Variants in RGS6 observed in about 807,000 individuals in gnomAD.
RGS6 encodes regulator of G-protein signaling 6.
Under a neutral mutation model 78.5 loss-of-function variants are expected in RGS6, and 30 were observed. The ratio of observed to expected loss-of-function variants is 0.38; its 90% CI spans 0.29 to 0.52. The LOEUF is 0.52. Among genes scored for constraint, RGS6 ranks in the 20% least tolerant of loss-of-function variants. The pLI is 0.85. For synonymous variants in RGS6, 206 were observed against 206.0 expected, an observed-to-expected ratio of 1.00 and a Z score of 0.00; for missense variants, 495 against 609.7, an observed-to-expected ratio of 0.81 and a Z score of 1.98.
intron 17 of RGS6, among the ~76,000 whole-genome samples, chr14:72,554,750 AAG>A (rs1451656983): frequency 5.3e-5 from 8 of 152,190 alleles, no homozygotes; most frequent in Non-Finnish European, 1.0e-4. Context: ...GGAGGGAGAG[AAG>A]AGAGAGCTGG....
chr14:72,558,310 T>C (rs1014741167), intron 17 of RGS6, among the ~76,000 whole-genome samples: 1 of 152,032 alleles, frequency 6.6e-6, no homozygotes. Flanking sequence ...TTGAAAAAGA[T>C]CCTCCCTGAG....
chr14:72,265,451 C>T (rs115949748), intron 2 of RGS6, among the ~76,000 whole-genome samples: 1,776 of 152,232 alleles, frequency 0.012, 31 homozygotes, highest in African/African-American at 0.036. Flanking sequence ...GTGGAGAAGA[C>T]CTCTTGGGAA....
At chr14:72,310,443 C>T (rs185767919) in intron 2 of RGS6, among the ~76,000 whole-genome samples, 18 of 152,342 alleles carry the variant, frequency 1.2e-4, no homozygotes, top group African/African-American at 3.4e-4. Context: ...AACATGTCTG[C>T]TGCCCATCCC....
chr14:72,274,545 C>T (rs2060398036), intron 2 of RGS6, among the ~76,000 whole-genome samples: 1 of 152,378 alleles, frequency 6.6e-6, no homozygotes, highest in East Asian at 1.9e-4. Context: ...CCCACATTCA[C>T]ATGCCCAGAA....
intron 13 of RGS6, among the ~76,000 whole-genome samples, chr14:72,504,727 C>T (rs771721408): frequency 5.3e-5 from 8 of 150,756 alleles, no homozygotes; most frequent in Admixed American, 5.3e-4. Context: ...CTCCCCTCCC[C>T]TCCTCTCCCC....
chr14:72,251,910 A>C (rs1261850217), intron 2 of RGS6, among the ~76,000 whole-genome samples: 1 of 152,256 alleles, frequency 6.6e-6, no homozygotes, highest in Non-Finnish European at 1.5e-5. Flanking sequence ...TAACACAAGA[A>C]TTTTATGGCC....
At chr14:72,033,104 T>A (rs1254131546) in intron 2 of RGS6, among the ~76,000 whole-genome samples, 2 of 152,190 alleles carry the variant, frequency 1.3e-5, no homozygotes, top group Non-Finnish European at 2.9e-5. Context: ...CTAAGAACAC[T>A]TACATTAGTC....
intron 3 of RGS6, among the ~76,000 whole-genome samples, chr14:72,451,136 C>T (rs1597697608): frequency 6.6e-6 from 1 of 152,200 alleles, no homozygotes; most frequent in East Asian, 1.9e-4. Flanking sequence ...GGGATGGTGG[C>T]GGAGTAGATG....
chr14:72,305,133 C>CT (rs1265821748), intron 2 of RGS6, among the ~76,000 whole-genome samples: 2 of 152,110 alleles, frequency 1.3e-5, no homozygotes, highest in African/African-American at 2.4e-5. Flanking sequence ...TATTTCTGGC[C>CT]TTTCTCTTAT....
At chr14:72,511,289 C>T (rs7144114) in intron 14 of RGS6, among the ~76,000 whole-genome samples, 24,259 of 152,198 alleles carry the variant, frequency 0.16, 2,041 homozygotes, top group African/African-American at 0.21. Context: ...ACTTTAAAAA[C>T]TCAGAGCATG....
intron 2 of RGS6, among the ~76,000 whole-genome samples, chr14:72,003,194 C>T (rs2083822535): frequency 6.6e-6 from 1 of 152,148 alleles, no homozygotes; most frequent in South Asian, 2.1e-4. Context: ...TTTACTTACC[C>T]ACTGGCCACC....
chr14:72,156,649 A>T (rs919782344), intron 2 of RGS6, among the ~76,000 whole-genome samples: 1 of 152,144 alleles, frequency 6.6e-6, no homozygotes, highest in Non-Finnish European at 1.5e-5. Flanking sequence ...GATGGCAAAG[A>T]TTGGGCAGAT....
At chr14:71,918,184 C>CAAAAAAAAAAAAAA in the RGS6 span, among the ~76,000 whole-genome samples, 8 of 33,692 alleles carry the variant, frequency 2.4e-4, 1 homozygote, top group Admixed American at 5.2e-4. Context: ...ACTCCAGTCT[C>CAAAAAAAAAAAAAA]AAAAAAAAAA....
At chr14:71,996,125 A>G (rs1342799727) in intron 2 of RGS6, among the ~76,000 whole-genome samples, 1 of 150,480 alleles carries the variant, frequency 6.6e-6, no homozygotes, top group Non-Finnish European at 1.5e-5. Context: ...CATGAAATCC[A>G]GGCAGCAAGT....
At chr14:72,424,495 G>A (rs1416009668) in intron 3 of RGS6, among the ~76,000 whole-genome samples, 1 of 152,034 alleles carries the variant, frequency 6.6e-6, no homozygotes, top group African/African-American at 2.4e-5. Flanking sequence ...GCCTTTTTTG[G>A]TGAAAACTCT....
At chr14:72,550,213 C>T (rs1299546823) in intron 17 of RGS6, among the ~76,000 whole-genome samples, 1 of 152,172 alleles carries the variant, frequency 6.6e-6, no homozygotes, top group African/African-American at 2.4e-5. Context: ...TTTAATAAGA[C>T]ACTTTTTACA....
intron 3 of RGS6, among the ~76,000 whole-genome samples, chr14:72,446,795 G>A (rs1021075929): frequency 7.2e-5 from 11 of 152,302 alleles, no homozygotes; most frequent in African/African-American, 2.6e-4. Context: ...TTCTCATAAG[G>A]AGCGTGCAAC....
chr14:72,321,420 G>A (rs1032102072), intron 2 of RGS6, among the ~76,000 whole-genome samples: 7 of 151,792 alleles, frequency 4.6e-5, no homozygotes, highest in South Asian at 2.1e-4. Context: ...TTCTGAAATC[G>A]AGTAATAAAG....
chr14:72,453,027 T>C (rs766533285), intron 3 of RGS6, among the ~76,000 whole-genome samples: 1 of 152,172 alleles, frequency 6.6e-6, no homozygotes, highest in Non-Finnish European at 1.5e-5. Flanking sequence ...AGGGAGGACG[T>C]CGCTGGTATG....
Sources: gnomAD v4.1 joint callset for allele counts (sites outside exome capture counted in the v4.1 genomes callset) on GRCh38, gnomAD v4.1.1 for gene constraint, MANE v1.5 for transcripts, NCBI Gene and HGNC (gene_info 2026-07-23, HGNC 2026-07-21) for gene names.